The following SHISA9 variants were observed in gnomAD, a reference collection of about 807,000 sequenced individuals.
SHISA9 encodes the protein protein shisa-9.
SHISA9 carries 13 observed loss-of-function variants against 38.0 expected under a neutral mutation model. The observed-to-expected ratio is 0.34, with a 90% CI of 0.22 to 0.54. The LOEUF (loss-of-function observed/expected upper bound fraction) is 0.54, where lower values mean the gene tolerates loss of function less well. Among genes scored for constraint, SHISA9 ranks in the 20% least tolerant of loss-of-function variants. The pLI is 0.91. For missense variants in SHISA9, 538 were observed against 575.8 expected, an observed-to-expected ratio of 0.93 and a Z score of 0.67; for synonymous variants, 275 against 242.0, an observed-to-expected ratio of 1.14 and a Z score of -1.27.
intron 4 of SHISA9, among the ~76,000 whole-genome samples, chr16:13,217,459 C>A (rs989603407): frequency 9.9e-5 from 15 of 152,172 alleles, no homozygotes; most frequent in African/African-American, 3.4e-4. Flanking sequence ...TTAGGAGAAA[C>A]TGCCAGCATA....
the SHISA9 span, chr16:13,458,612 T>C: frequency 5.1e-6 from 2 of 390,540 alleles, no homozygotes; most frequent in African/African-American, 4.3e-5. Flanking sequence ...CTAAGAGATT[T>C]GGATCAAAGA....
At chr16:13,162,770 A>G (rs756659395) in intron 2 of SHISA9, among the ~76,000 whole-genome samples, 8 of 152,192 alleles carry the variant, frequency 5.3e-5, no homozygotes, top group South Asian at 2.1e-4. Context: ...AGAACATTTG[A>G]AAAAGATTCT....
chr16:13,500,528 T>C, the SHISA9 span, among the ~76,000 whole-genome samples: 3 of 150,354 alleles, frequency 2.0e-5, no homozygotes, highest in Non-Finnish European at 2.9e-5. Context: ...GCCAGGTGAA[T>C]GGTAGGATTT....
chr16:13,203,353 G>T, intron 2 of SHISA9, 41 bp from the exon 3 acceptor site: 1 of 1,480,344 alleles, frequency 6.8e-7, no homozygotes, highest in Non-Finnish European at 9.0e-7. Flanking sequence ...AGATGGTTCT[G>T]CCCTGTCTGT....
chr16:13,547,354 T>C, the SHISA9 span, among the ~76,000 whole-genome samples: 3 of 152,130 alleles, frequency 2.0e-5, no homozygotes, highest in Non-Finnish European at 4.4e-5. Flanking sequence ...CCAATAACTA[T>C]ATAGAGATTT....
chr16:12,952,003 C>G (rs1567350576), intron 2 of SHISA9, among the ~76,000 whole-genome samples: 1 of 152,232 alleles, frequency 6.6e-6, no homozygotes, highest in Non-Finnish European at 1.5e-5. Flanking sequence ...CAGGTCTGTG[C>G]AACTGGTCTA....
At chr16:13,336,235 C>T in the SHISA9 span, among the ~76,000 whole-genome samples, 5 of 152,206 alleles carry the variant, frequency 3.3e-5, no homozygotes, top group Non-Finnish European at 5.9e-5. Context: ...AAATAATACT[C>T]ATCCTTCTCT....
At chr16:13,366,118 G>C in the SHISA9 span, among the ~76,000 whole-genome samples, 1 of 152,278 alleles carries the variant, frequency 6.6e-6, no homozygotes, top group East Asian at 1.9e-4. Context: ...CACCATTCAA[G>C]GGCCATGTGT....
chr16:12,971,556 T>G (rs1203988826), intron 2 of SHISA9, among the ~76,000 whole-genome samples: 1 of 152,222 alleles, frequency 6.6e-6, no homozygotes, highest in Non-Finnish European at 1.5e-5. Flanking sequence ...GCAAGCCTCC[T>G]CCCTGTGCTC....
At chr16:13,414,037 A>C in the SHISA9 span, among the ~76,000 whole-genome samples, 1 of 152,064 alleles carries the variant, frequency 6.6e-6, no homozygotes, top group South Asian at 2.1e-4. Flanking sequence ...AAATCCCACC[A>C]CTTGAGGTTC....
chr16:12,988,263 A>G (rs946469449), intron 2 of SHISA9, among the ~76,000 whole-genome samples: 1 of 152,148 alleles, frequency 6.6e-6, no homozygotes, highest in Non-Finnish European at 1.5e-5. Flanking sequence ...ATGGCTGTTG[A>G]CACGTCAATA....
the SHISA9 span, among the ~76,000 whole-genome samples, chr16:13,518,942 C>T: frequency 6.6e-6 from 1 of 152,102 alleles, no homozygotes; most frequent in Admixed American, 6.5e-5. Context: ...CTAGGAAACC[C>T]ACTTCCACAA....
At chr16:12,970,374 T>TATGTATATATATACACAC (rs1172191961) in intron 2 of SHISA9, among the ~76,000 whole-genome samples, 8 of 75,454 alleles carry the variant, frequency 1.1e-4, no homozygotes, top group Non-Finnish European at 2.0e-4. Context: ...TATATACATA[T>TATGTATATATATACACAC]ATATATACAT....
At chr16:12,994,121 G>C (rs1430026485) in intron 2 of SHISA9, among the ~76,000 whole-genome samples, 2 of 152,180 alleles carry the variant, frequency 1.3e-5, no homozygotes, top group African/African-American at 4.8e-5. Context: ...AGTGAAATAG[G>C]AATCAACTGG....
the SHISA9 span, among the ~76,000 whole-genome samples, chr16:13,250,966 T>C: frequency 5.9e-5 from 9 of 152,162 alleles, no homozygotes; most frequent in African/African-American, 2.2e-4. Flanking sequence ...CTGTTGAGAA[T>C]CAATTCTAGA....
At chr16:13,062,671 AT>A (rs2073389750) in intron 2 of SHISA9, among the ~76,000 whole-genome samples, 1 of 152,084 alleles carries the variant, frequency 6.6e-6, no homozygotes, top group Admixed American at 6.5e-5. Context: ...AGTATTACTT[AT>A]TTTTTCCTTT....
intron 2 of SHISA9, among the ~76,000 whole-genome samples, chr16:12,938,690 A>T (rs275399): frequency 1.3e-5 from 2 of 151,658 alleles, no homozygotes; most frequent in Admixed American, 6.6e-5. Context: ...TTTAGTAGAG[A>T]GGGGGTTTCA....
At chr16:13,367,679 AGTGTACACGCGTGTGCGTGCGCGCGC>A in the SHISA9 span, among the ~76,000 whole-genome samples, 1 of 144,844 alleles carries the variant, frequency 6.9e-6, no homozygotes, top group Non-Finnish European at 1.5e-5. Context: ...TGTTTCCTGA[AGTGTACACGCGTGTGCGTGCGCGCGC>A]GCGCGCGCAC....
chr16:13,304,920 G>A, the SHISA9 span, among the ~76,000 whole-genome samples: 1 of 152,198 alleles, frequency 6.6e-6, no homozygotes, highest in Non-Finnish European at 1.5e-5. Context: ...GACGATGCAG[G>A]TGAAGGACAC....
Sources: gnomAD v4.1 joint callset for allele counts (sites outside exome capture counted in the v4.1 genomes callset) on GRCh38, gnomAD v4.1.1 for gene constraint, MANE v1.5 for transcripts, NCBI Gene and HGNC (gene_info 2026-07-23, HGNC 2026-07-21) for gene names.